The following TLL2 variants were observed in gnomAD, a reference collection of about 807,000 sequenced individuals.
The protein encoded by TLL2 is tolloid like 2.
In TLL2, 106 loss-of-function variants were observed where a neutral mutation model predicts 123.0. That is an observed-to-expected ratio of 0.86 (90% CI 0.74 to 1.01). The LOEUF (loss-of-function observed/expected upper bound fraction) is 1.01, where lower values mean the gene tolerates loss of function less well. Among genes scored for constraint, TLL2 ranks in the 50% least tolerant of loss-of-function variants. The probability of loss-of-function intolerance (pLI) is 0.00; values close to 1 mark genes in which losing one functional copy is unlikely to be tolerated. For missense variants in TLL2, 1,332 were observed against 1,336.7 expected (o/e 1.00, Z 0.06); for synonymous variants, 494 against 516.8 (o/e 0.96, Z 0.60).
chr10:96,513,404 G>C lies in TLL2; in HGVS notation c.175+107C>G. 9 of 1,375,390 alleles carry C rather than the reference G, an allele frequency of 6.5e-6. No homozygotes were observed. In the East Asian group the frequency reaches 7.6e-5, roughly 12 times the overall value. 85.2% of individuals were successfully genotyped at this position (1,375,390 alleles called of 1,614,324 possible). On this transcript the variant is annotated intron_variant, in intron 1 of 20. Coordinates refer to ENST00000357947, the MANE Select transcript of TLL2 (RefSeq NM_012465.4). ...TCCGGGGGAGCCGGGGATCTCAGGGGAGGGGAGGGGAGACCCGCCCCATAG... is the reference window on the plus strand; with the variant it reads ...TCCGGGGGAGCCGGGGATCTCAGGGCAGGGGAGGGGAGACCCGCCCCATAG...
At chr10:96,407,145 C>A (rs1463969904) in intron 9 of TLL2, among the ~76,000 whole-genome samples, 2 of 151,972 alleles carry the variant, frequency 1.3e-5, no homozygotes, top group Admixed American at 6.6e-5. Flanking sequence ...GCTCTCTGTG[C>A]CCCCATCTCA....
rs552560977 is a variant in TLL2, at chr10:96,471,592, A to C, written c.286+8757T>G. 1.2e-4 allele frequency among the ~76,000 whole-genome samples: 18 copies of C among 152,310 alleles called. No homozygotes were observed. In the South Asian group the frequency reaches 3.5e-3, roughly 30 times the overall value. Reference sequence around the variant, plus strand: ...TATTATTTTTGGTGTCAGACGCTGGAATAAGTGTTTTACGTGTCACACTTA... The same window carrying C: ...TATTATTTTTGGTGTCAGACGCTGGCATAAGTGTTTTACGTGTCACACTTA... On this transcript the variant is annotated intron_variant, in intron 2 of 20. Coordinates refer to ENST00000357947, the MANE Select transcript of TLL2 (RefSeq NM_012465.4).
At chr10:96,459,732 A>ATATATATATATATATATATG (rs1222156603) in intron 2 of TLL2, among the ~76,000 whole-genome samples, 9 of 123,068 alleles carry the variant, frequency 7.3e-5, no homozygotes, top group African/African-American at 2.1e-4. Flanking sequence ...ATATATATAT[A>ATATATATATATATATATATG]GCAGCTAAAA....
At chr10:96,421,435 G>A (rs1177024898) in intron 6 of TLL2, among the ~76,000 whole-genome samples, 3 of 152,188 alleles carry the variant, frequency 2.0e-5, no homozygotes, top group African/African-American at 4.8e-5. Flanking sequence ...AGGCCAAGGC[G>A]GGTGGATCGC....
rs1307444973 is a variant in TLL2, at chr10:96,373,703, C to T, written c.2555G>A (p.Gly852Asp). Residue 852 changes from glycine to aspartate, a missense_variant, in exon 19 of 21, where the codon GGC (glycine) becomes GAC (aspartate). Gly to Asp is a moderately conservative substitution (Grantham distance 94). Coordinates refer to ENST00000357947, the MANE Select transcript of TLL2 (RefSeq NM_012465.4). ...CACCGTGGGGTCTGGTTTCTTGCTG[C>T]CGCAGAAACGGCCCAGAATGGGGGC... ...SLAPILGRFC[G>D]SKKPDPTVAS... is the part of the protein sequence containing the mutation. 7 of 1,614,152 alleles carry T rather than the reference C, an allele frequency of 4.3e-6. No individual in the cohort carries two copies. In the African/African-American group the frequency reaches 6.7e-5, roughly 15 times the overall value.
chr10:96,376,607 C>G, intron 18 of TLL2, 85 bp downstream of exon 18: 1 of 1,466,958 alleles, frequency 6.8e-7, no homozygotes. Flanking sequence ...AGTTACAGAG[C>G]TGGGAAGTGG....
intron 8 of TLL2, among the ~76,000 whole-genome samples, chr10:96,412,482 G>A (rs1164371347): frequency 6.6e-6 from 1 of 152,198 alleles, no homozygotes; most frequent in African/African-American, 2.4e-5. Context: ...AAGGGGTCTA[G>A]AAGAGCTCAG....
At chr10:96,454,995 C>T (rs1846997827) in intron 2 of TLL2, among the ~76,000 whole-genome samples, 1 of 152,162 alleles carries the variant, frequency 6.6e-6, no homozygotes, top group Non-Finnish European at 1.5e-5. Flanking sequence ...TCCCACTGTT[C>T]CCCAGGCATG....
intron 1 of TLL2, among the ~76,000 whole-genome samples, chr10:96,507,813 T>C (rs1431158442): frequency 1.3e-5 from 2 of 152,174 alleles, no homozygotes; most frequent in African/African-American, 2.4e-5. Flanking sequence ...CCCCATTGCA[T>C]GCTGGTGTGT....
At chr10:96,445,723 G>A (rs1846892183) in intron 3 of TLL2, among the ~76,000 whole-genome samples, 1 of 152,150 alleles carries the variant, frequency 6.6e-6, no homozygotes, top group African/African-American at 2.4e-5. Context: ...GAGCTATGCT[G>A]TTCCTGACCA....
chr10:96,378,598 A>T (rs564821083), intron 17 of TLL2, among the ~76,000 whole-genome samples: 4 of 152,376 alleles, frequency 2.6e-5, no homozygotes, highest in South Asian at 4.1e-4. Flanking sequence ...AACTTTAAGA[A>T]GGAGGTATGT....
At chr10:96,413,361 A>T in intron 7 of TLL2, 45 bp from the exon 8 acceptor site, 1 of 1,597,832 alleles carries the variant, frequency 6.3e-7, no homozygotes, top group Non-Finnish European at 8.6e-7. Context: ...CAAGGCCATC[A>T]GGCTGTCTGT....
At chr10:96,438,186 T>C (rs1281286728) in intron 3 of TLL2, among the ~76,000 whole-genome samples, 1 of 152,202 alleles carries the variant, frequency 6.6e-6, no homozygotes, top group East Asian at 1.9e-4. Flanking sequence ...ATTAAACCTA[T>C]AGAACAATCT....
At chr10:96,493,689 T>C (rs565734521) in intron 1 of TLL2, among the ~76,000 whole-genome samples, 1 of 152,200 alleles carries the variant, frequency 6.6e-6, no homozygotes, top group South Asian at 2.1e-4. Context: ...CATTCTGGTA[T>C]AGCACTTTAC....
chr10:96,382,941 T>C (rs1846199054), intron 16 of TLL2, among the ~76,000 whole-genome samples: 1 of 152,074 alleles, frequency 6.6e-6, no homozygotes, highest in Non-Finnish European at 1.5e-5. Context: ...GCATTGTGGG[T>C]CTTCAGGTTG....
chr10:96,461,295 G>A (rs1319570306), intron 2 of TLL2, among the ~76,000 whole-genome samples: 1 of 152,024 alleles, frequency 6.6e-6, no homozygotes, highest in Non-Finnish European at 1.5e-5. Context: ...CATACCTCAG[G>A]CAGAGTCCAT....
intron 9 of TLL2, among the ~76,000 whole-genome samples, chr10:96,407,863 G>GTGAGCA (rs1179322054): frequency 8.2e-6 from 1 of 121,314 alleles, no homozygotes. Flanking sequence ...GCATGCATGT[G>GTGAGCA]TGTGCGCACA....
intron 10 of TLL2, among the ~76,000 whole-genome samples, chr10:96,403,992 T>C (rs1396140173): frequency 1.3e-5 from 2 of 151,840 alleles, no homozygotes; most frequent in Non-Finnish European, 1.5e-5. Flanking sequence ...ATGACATAGA[T>C]TCTTTTGCTC....
At chr10:96,425,259 T>TTCTCTCTCTCTC (rs5787184) in intron 5 of TLL2, among the ~76,000 whole-genome samples, 31 of 144,350 alleles carry the variant, frequency 2.1e-4, no homozygotes, top group African/African-American at 7.8e-4. Flanking sequence ...CATTACTGTT[T>TTCTCTCTCTCTC]TCTCTCTCTC....
Sources: gnomAD v4.1 joint callset for allele counts (sites outside exome capture counted in the v4.1 genomes callset) on GRCh38, gnomAD v4.1.1 for gene constraint, MANE v1.5 for transcripts, NCBI Gene and HGNC (gene_info 2026-07-23, HGNC 2026-07-21) for gene names.